Variants in CBL observed in about 807,000 individuals in gnomAD.
The protein encoded by CBL is E3 ubiquitin-protein ligase CBL.
CBL carries 45 observed loss-of-function variants against 96.9 expected under a neutral mutation model. The ratio of observed to expected loss-of-function variants is 0.46; its 90% CI spans 0.37 to 0.60. The LOEUF is 0.60. CBL is among the 20% of genes least tolerant of loss of function. The pLI is 0.00. For synonymous variants in CBL, 420 were observed against 426.8 expected, an observed-to-expected ratio of 0.98 and a Z score of 0.20; for missense variants, 1,024 against 1,143.5, an observed-to-expected ratio of 0.90 and a Z score of 1.51.
intron 14 of CBL, 120 bp downstream of exon 14, chr11:119,297,601 G>T (rs190020214): frequency 1.3e-6 from 1 of 760,010 alleles, no homozygotes; most frequent in Non-Finnish European, 2.3e-6. Flanking sequence ...GGGACTACAG[G>T]TACGTGCCAC....
chr11:119,240,219 C>T (rs991913347), intron 2 of CBL, among the ~76,000 whole-genome samples: 6 of 151,708 alleles, frequency 4.0e-5, no homozygotes, highest in South Asian at 2.1e-4. Flanking sequence ...TGCTTGAACT[C>T]GGTTGGTGGA....
chr11:119,234,327 A>G (rs1460228177), intron 2 of CBL, among the ~76,000 whole-genome samples: 1 of 152,164 alleles, frequency 6.6e-6, no homozygotes, highest in African/African-American at 2.4e-5. Flanking sequence ...TCTTAAAAAG[A>G]TTCTGAGTGA....
intron 6 of CBL, among the ~76,000 whole-genome samples, chr11:119,277,274 A>ACAC (rs1565871898): frequency 1.1e-4 from 11 of 101,260 alleles, no homozygotes; most frequent in African/African-American, 5.2e-4. Context: ...CACACACATA[A>ACAC]AGAATTTCTA....
chr11:119,227,786 G>A (rs1949470209), intron 1 of CBL, among the ~76,000 whole-genome samples: 1 of 152,148 alleles, frequency 6.6e-6, no homozygotes. Context: ...CTGACCTCAG[G>A]TGATCCACCT....
intron 1 of CBL, among the ~76,000 whole-genome samples, chr11:119,211,539 C>A (rs532707111): frequency 6.6e-6 from 1 of 151,930 alleles, no homozygotes; most frequent in African/African-American, 2.4e-5. Flanking sequence ...TAGAGGCTCC[C>A]TCTGTTGCCC....
intron 12 of CBL, among the ~76,000 whole-genome samples, chr11:119,288,583 C>T (rs1202980867): frequency 1.3e-5 from 2 of 152,158 alleles, no homozygotes; most frequent in African/African-American, 2.4e-5. Flanking sequence ...ACCTTAATTA[C>T]ATCCTTAGAG....
At chr11:119,297,774 T>C (rs1038442963) in intron 14 of CBL, among the ~76,000 whole-genome samples, 1 of 152,196 alleles carries the variant, frequency 6.6e-6, no homozygotes, top group African/African-American at 2.4e-5. Flanking sequence ...TTTTCAGTAA[T>C]CTTTGGCAAA....
At chr11:119,220,737 G>A (rs1267441562) in intron 1 of CBL, among the ~76,000 whole-genome samples, 1 of 152,198 alleles carries the variant, frequency 6.6e-6, no homozygotes, top group Non-Finnish European at 1.5e-5. Flanking sequence ...AAGTGGCATG[G>A]TGTTTTTAAT....
chr11:119,207,481 C>T lies in CBL; in HGVS notation c.195+869C>T, dbSNP rs117642098. On this transcript the variant is annotated intron_variant, in intron 1 of 15. Transcript: ENST00000264033. Reference sequence around the variant, plus strand: ...TACAGGTCCTGACTTTAAACTTGTTCGTTGAGCTTCTTTGATTACGCTTTT... The same window carrying T: ...TACAGGTCCTGACTTTAAACTTGTTTGTTGAGCTTCTTTGATTACGCTTTT... Among the ~76,000 whole-genome samples the T allele has an allele frequency of 8.8e-3, 1,334 of 152,260 alleles. 7 individuals are homozygous for T. Among genetic ancestry groups the T allele is most frequent in the Admixed American group, 0.013 (193 of 15,290 alleles).
intron 2 of CBL, 53 bp downstream of exon 2, chr11:119,232,748 G>A (rs145304679): frequency 6.4e-7 from 1 of 1,554,218 alleles, no homozygotes; most frequent in East Asian, 2.2e-5. Flanking sequence ...CTGCCTGAAT[G>A]GGTAACACAT....
At chr11:119,296,782 AAAT>A in intron 12 of CBL, 133 bp from the exon 13 acceptor site, 1 of 672,440 alleles carries the variant, frequency 1.5e-6, no homozygotes. Flanking sequence ...TGGTCAGCAG[AAAT>A]AATAGTTCCC....
chr11:119,250,780 G>A (rs565808305), intron 2 of CBL, among the ~76,000 whole-genome samples: 3 of 151,946 alleles, frequency 2.0e-5, no homozygotes, highest in Admixed American at 6.6e-5. Flanking sequence ...GTAAAACCCC[G>A]TCTCTACTAA....
intron 1 of CBL, among the ~76,000 whole-genome samples, chr11:119,222,220 A>C (rs997699862): frequency 2.0e-5 from 3 of 152,212 alleles, no homozygotes; most frequent in Non-Finnish European, 4.4e-5. Flanking sequence ...GCCTAATTAG[A>C]AACACAGATT....
chr11:119,269,683 C>T (rs181798871), intron 2 of CBL, among the ~76,000 whole-genome samples: 2 of 152,188 alleles, frequency 1.3e-5, no homozygotes, highest in African/African-American at 2.4e-5. Flanking sequence ...TAATTGATCA[C>T]GATTTGACTT....
intron 2 of CBL, among the ~76,000 whole-genome samples, chr11:119,259,926 T>C (rs555644998): frequency 6.6e-6 from 1 of 152,332 alleles, no homozygotes; most frequent in East Asian, 1.9e-4. Flanking sequence ...TCCACACTCT[T>C]CTCAAAGGGG....
At chr11:119,214,156 G>C (rs1949339607) in intron 1 of CBL, among the ~76,000 whole-genome samples, 2 of 151,648 alleles carry the variant, frequency 1.3e-5, no homozygotes, top group Non-Finnish European at 2.9e-5. Context: ...TGTTGGCCAG[G>C]TTGGTCTCAA....
chr11:119,247,847 C>G (rs1949644211), intron 2 of CBL, among the ~76,000 whole-genome samples: 1 of 151,930 alleles, frequency 6.6e-6, no homozygotes, highest in Non-Finnish European at 1.5e-5. Flanking sequence ...AAGGAATGAA[C>G]AATCCAAAAA....
At chr11:119,245,196 G>A (rs1376833799) in intron 2 of CBL, among the ~76,000 whole-genome samples, 1 of 142,964 alleles carries the variant, frequency 7.0e-6, no homozygotes. Flanking sequence ...TTTTAAACCA[G>A]ATATCTACCT....
In CBL at chr11:119,278,645, T is replaced by TATG. The variant is rs397507494; in HGVS notation, c.1380_1382dup (p.Asp460dup). 5.8e-4 allele frequency: 937 copies of TATG among 1,613,000 alleles called. No individual in the cohort carries two copies. Among genetic ancestry groups the TATG allele is most frequent in the Non-Finnish European group, 3.9e-4 (460 of 1,179,362 alleles). On this transcript the variant is annotated inframe_insertion, in exon 9 of 16. Transcript: ENST00000264033. ...AGCAGAGGGAGCTCCCTCCCCAAAT[T>TATG]ATGATGATGATGATGATGAACGAGC...
Sources: gnomAD v4.1 joint callset for allele counts (sites outside exome capture counted in the v4.1 genomes callset) on GRCh38, gnomAD v4.1.1 for gene constraint, MANE v1.5 for transcripts, NCBI Gene and HGNC (gene_info 2026-07-23, HGNC 2026-07-21) for gene names.